OPCML: variants seen among roughly 807,000 people sequenced by gnomAD.
The protein encoded by OPCML is opioid-binding protein/cell adhesion molecule.
OPCML carries 13 observed loss-of-function variants against 37.8 expected under a neutral mutation model. The observed-to-expected ratio is 0.34, with a 90% confidence interval of 0.22 to 0.55. The LOEUF (loss-of-function observed/expected upper bound fraction) is 0.55. OPCML is among the 20% of genes least tolerant of loss of function. The probability of loss-of-function intolerance (pLI) is 0.91; values close to 1 mark genes in which losing one functional copy is unlikely to be tolerated. For missense variants in OPCML, 341 were observed against 435.6 expected, an observed-to-expected ratio of 0.78 and a Z score of 1.93; for synonymous variants, 176 against 168.8, an observed-to-expected ratio of 1.04 and a Z score of -0.33.
intron 2 of OPCML, among the ~76,000 whole-genome samples, chr11:132,806,158 T>C (rs564150598): frequency 1.1e-4 from 16 of 152,044 alleles, no homozygotes; most frequent in Non-Finnish European, 1.5e-5. Context: ...CTAAAAATAC[T>C]GGATTAACAT....
intron 2 of OPCML, among the ~76,000 whole-genome samples, chr11:132,878,198 T>C (rs1248427147): frequency 6.6e-6 from 1 of 151,698 alleles, no homozygotes; most frequent in East Asian, 1.9e-4. Context: ...AAAAAAATTA[T>C]ATTGGCTGGC....
intron 1 of OPCML, among the ~76,000 whole-genome samples, chr11:133,189,477 A>G (rs541541690): frequency 4.3e-4 from 66 of 152,350 alleles, no homozygotes; most frequent in Middle Eastern, 3.4e-3. Flanking sequence ...GAAGTATTGT[A>G]TATTGGATAC....
At chr11:132,994,220 C>T (rs990238935) in intron 1 of OPCML, among the ~76,000 whole-genome samples, 1 of 152,204 alleles carries the variant, frequency 6.6e-6, no homozygotes, top group Non-Finnish European at 1.5e-5. Context: ...GGCTGGTGCG[C>T]TCCTGCCAGG....
At chr11:132,899,495 T>A (rs1487713378) in intron 2 of OPCML, among the ~76,000 whole-genome samples, 1 of 152,194 alleles carries the variant, frequency 6.6e-6, no homozygotes, top group African/African-American at 2.4e-5. Context: ...TTCAGTTGTA[T>A]GCAGATAGTT....
At position 132,694,179 on chromosome 11, in the gene OPCML, CTTTTTTTTTTTTT is replaced by C. The variant is rs1162305568; in HGVS notation, c.147-36873_147-36861del. Among the ~76,000 whole-genome samples, 212 of 43,004 alleles carry C rather than the reference CTTTTTTTTTTTTT, an allele frequency of 4.9e-3. 3 individuals are homozygous for C. The highest frequency in any genetic ancestry group is 0.019 in the Middle Eastern group (1 of 54). 28.2% of individuals were successfully genotyped at this position (43,004 alleles called of 152,430 possible). On this transcript the variant is annotated intron_variant, in intron 2 of 7. Coordinates refer to ENST00000524381, the MANE Select transcript of OPCML (RefSeq NM_001012393.5). ...GAGTTTCGTTCTGTGAAATCAATGTCTTTTTTTTTTTTTTTTTTTTTTTTTTTTTTTTTTTTTT... is the reference window on the plus strand; with the variant it reads ...GAGTTTCGTTCTGTGAAATCAATGTCTTTTTTTTTTTTTTTTTTTTTTTTT...
intron 4 of OPCML, among the ~76,000 whole-genome samples, chr11:132,463,409 T>C (rs1159492631): frequency 2.0e-5 from 3 of 152,208 alleles, no homozygotes; most frequent in South Asian, 2.1e-4. Flanking sequence ...AACTCTAGTG[T>C]AGTCCTCACA....
At chr11:132,844,521 AATAT>A (rs1431726811) in intron 2 of OPCML, among the ~76,000 whole-genome samples, 2 of 152,196 alleles carry the variant, frequency 1.3e-5, no homozygotes, top group East Asian at 3.9e-4. Context: ...TCCCTACAAA[AATAT>A]ATTGTAGGTC....
At chr11:132,934,557 T>G (rs1313874441) in intron 2 of OPCML, among the ~76,000 whole-genome samples, 1 of 152,188 alleles carries the variant, frequency 6.6e-6, no homozygotes, top group Non-Finnish European at 1.5e-5. Flanking sequence ...GGCATTCTTA[T>G]CTGCCAACTT....
At chr11:133,409,532 GC>G (rs1198509656) in intron 1 of OPCML, among the ~76,000 whole-genome samples, 2 of 152,210 alleles carry the variant, frequency 1.3e-5, no homozygotes, top group Admixed American at 6.5e-5. Flanking sequence ...CTACCGCTGA[GC>G]TCCTGCTCTG....
chr11:133,304,664 G>A (rs1055960984), intron 1 of OPCML, among the ~76,000 whole-genome samples: 8 of 152,136 alleles, frequency 5.3e-5, no homozygotes, highest in African/African-American at 1.4e-4. Context: ...TATCCCAAGC[G>A]TCTGGGCCAA....
rs1241396146 is a variant in OPCML at position 133,211,425 on chromosome 11, A to T, written c.62-268415T>A. 1.3e-5 allele frequency among the ~76,000 whole-genome samples: 2 copies of T among 152,198 alleles called. No individual in the cohort carries two copies. The highest frequency in any genetic ancestry group is 2.9e-5 in the Non-Finnish European group (2 of 68,028). On this transcript the variant is annotated intron_variant, in intron 1 of 7. Transcript: ENST00000524381. This position sits in a 1 kb window ranked among gnomAD's most constrained non-coding sequence, Gnocchi z 4.1. ...AAGGCTTCAGAGCCTTGCACCTGTC[A>T]GGGATGGGTTTCCTGCACTACAATA...
intron 3 of OPCML, among the ~76,000 whole-genome samples, chr11:132,575,135 A>G (rs369288065): frequency 1.3e-5 from 2 of 151,864 alleles, no homozygotes; most frequent in Non-Finnish European, 2.9e-5. Context: ...TTTTAAGCCT[A>G]TGTGTGCCCT....
intron 2 of OPCML, among the ~76,000 whole-genome samples, chr11:132,819,940 G>T (rs1484489373): frequency 6.6e-6 from 1 of 152,090 alleles, no homozygotes; most frequent in Non-Finnish European, 1.5e-5. Context: ...TCTCCCCCAG[G>T]GTCCTGGGGC....
chr11:133,331,900 G>A (rs1387875851), intron 1 of OPCML, among the ~76,000 whole-genome samples: 1 of 152,048 alleles, frequency 6.6e-6, no homozygotes. Context: ...GCTTAGGATT[G>A]CCTTGGCTAT....
Position 133,170,939 on chromosome 11 carries a change from C to G in OPCML, c.62-227929G>C, listed in dbSNP as rs143697834. On this transcript the variant is annotated intron_variant, in intron 1 of 7. Transcript: ENST00000524381. ...TGGACTCAGACTCCCTGGGGAGACT[C>G]AGAGTTCCTGAGCCTTAGGCAAGAG... Among the ~76,000 whole-genome samples, 114 of 152,316 alleles carry G rather than the reference C, an allele frequency of 7.5e-4. 2 individuals carry two copies. The East Asian group carries it at 0.021, about 27-fold the overall frequency.
chr11:132,547,665 T>C (rs145713322), intron 3 of OPCML, among the ~76,000 whole-genome samples: 2,587 of 152,282 alleles, frequency 0.017, 43 homozygotes, highest in Non-Finnish European at 0.025. Context: ...GGAAGTTATT[T>C]TTTTCTTTTA....
chr11:133,335,642 C>T (rs1943729148), intron 1 of OPCML, among the ~76,000 whole-genome samples: 1 of 152,156 alleles, frequency 6.6e-6, no homozygotes. Context: ...GTTAATTCAA[C>T]ACTGGAATCG....
At chr11:133,484,901 C>T (rs569604661) in intron 1 of OPCML, among the ~76,000 whole-genome samples, 15 of 151,266 alleles carry the variant, frequency 9.9e-5, no homozygotes, top group African/African-American at 2.9e-4. Flanking sequence ...CTATATGTAA[C>T]GAAAAAGAAA....
chr11:133,306,399 C>T (rs1157443788), intron 1 of OPCML, among the ~76,000 whole-genome samples: 1 of 152,190 alleles, frequency 6.6e-6, no homozygotes, highest in African/African-American at 2.4e-5. Context: ...TTTAAGAATA[C>T]TATGGTGCTT....
Sources: allele counts gnomAD v4.1 joint callset (sites outside exome capture counted in the v4.1 genomes callset), GRCh38; gene constraint gnomAD v4.1.1; non-coding constraint Gnocchi (gnomAD v3.1); transcripts MANE v1.5; gene names NCBI Gene and HGNC (gene_info 2026-07-23, HGNC 2026-07-21).